LPP: variants seen among roughly 807,000 people sequenced by gnomAD.
LPP encodes lipoma-preferred partner.
Under a neutral mutation model 60.4 loss-of-function variants are expected in LPP, and 38 were observed. The ratio of observed to expected loss-of-function variants is 0.63; its 90% CI spans 0.49 to 0.83. LPP has a LOEUF of 0.83. Among genes scored for constraint, LPP ranks in the 40% least tolerant of loss-of-function variants. LPP has a pLI of 0.00. For missense variants in LPP, 902 were observed against 783.6 expected, an observed-to-expected ratio of 1.15 and a Z score of -1.80; for synonymous variants, 328 against 290.8, an observed-to-expected ratio of 1.13 and a Z score of -1.30.
At chr3:188,241,030 A>G (rs186303445) in intron 2 of LPP, among the ~76,000 whole-genome samples, 1 of 152,322 alleles carries the variant, frequency 6.6e-6, no homozygotes, top group East Asian at 1.9e-4. Context: ...TGATGATTTT[A>G]GAGGTAGCAA....
chr3:188,334,621 G>A (rs1420101726), intron 2 of LPP, among the ~76,000 whole-genome samples: 3 of 151,940 alleles, frequency 2.0e-5, no homozygotes, highest in Admixed American at 1.3e-4. Flanking sequence ...AGTACAGACG[G>A]GGTTTCATCA....
chr3:188,576,451 G>A (rs926511143), intron 6 of LPP, among the ~76,000 whole-genome samples: 24 of 152,206 alleles, frequency 1.6e-4, no homozygotes, highest in East Asian at 5.8e-4. Context: ...ATTTTCATCC[G>A]CTTTATTTTC....
chr3:188,780,691 G>A (rs1389617749), intron 9 of LPP, among the ~76,000 whole-genome samples: 3 of 152,048 alleles, frequency 2.0e-5, no homozygotes, highest in African/African-American at 2.4e-5. Context: ...CTGACCTCAA[G>A]ACCATTGTTC....
chr3:188,660,407 G>T (rs568429407), intron 7 of LPP, among the ~76,000 whole-genome samples: 1 of 152,274 alleles, frequency 6.6e-6, no homozygotes, highest in African/African-American at 2.4e-5. Context: ...TGTAATATTT[G>T]TGTGTTCATT....
rs928634462 is a variant in LPP, at chr3:188,494,997, G to C, written c.306+10293G>C. Among the ~76,000 whole-genome samples the C allele has an allele frequency of 2.4e-4, 33 of 139,512 alleles. 1 individual carries two copies. Among genetic ancestry groups the C allele is most frequent in the African/African-American group, 7.3e-4 (28 of 38,490 alleles). 91.5% of individuals were successfully genotyped at this position (139,512 alleles called of 152,430 possible). Reference sequence around the variant, plus strand: ...TTTGCCATAGTTGTCACTGACATTTGATTTGCACCATGCCTCCTCAGAGTT... The same window carrying C: ...TTTGCCATAGTTGTCACTGACATTTCATTTGCACCATGCCTCCTCAGAGTT... On this transcript the variant is annotated intron_variant, in intron 5 of 11. Transcript: ENST00000617246.
At chr3:188,521,159 T>C (rs1323761618) in intron 5 of LPP, among the ~76,000 whole-genome samples, 1 of 152,184 alleles carries the variant, frequency 6.6e-6, no homozygotes, top group East Asian at 1.9e-4. Flanking sequence ...AAAGCTACTA[T>C]AGTATTTGCA....
At chr3:188,311,037 G>A (rs556927164) in intron 2 of LPP, among the ~76,000 whole-genome samples, 5 of 152,106 alleles carry the variant, frequency 3.3e-5, no homozygotes, top group Admixed American at 6.5e-5. Flanking sequence ...CCAAAAAGTC[G>A]AAGATATTAA....
chr3:188,243,482 A>G (rs113878022), intron 2 of LPP, among the ~76,000 whole-genome samples: 1 of 152,198 alleles, frequency 6.6e-6, no homozygotes, highest in Non-Finnish European at 1.5e-5. Flanking sequence ...CGGATCTGGG[A>G]AGGGCCTTTG....
At chr3:188,329,624 G>A (rs1759427230) in intron 2 of LPP, among the ~76,000 whole-genome samples, 1 of 151,730 alleles carries the variant, frequency 6.6e-6, no homozygotes, top group Non-Finnish European at 1.5e-5. Context: ...TGAACTTTTT[G>A]GGAATAATTC....
Position 188,395,456 on chromosome 3 carries a change from G to A in LPP, c.-9-10656G>A, listed in dbSNP as rs567241872. 7.3e-5 allele frequency among the ~76,000 whole-genome samples: 11 copies of A among 151,634 alleles called. No homozygotes were observed. In the South Asian group the frequency reaches 1.0e-3, roughly 14 times the overall value. On this transcript the variant is annotated intron_variant, in intron 3 of 11. Transcript: ENST00000617246. ...TTGTTGTGTTGCGCAGGCTGATCTC[G>A]AACTCCAGGCCTCAAGCAATCCAGG...
chr3:188,320,677 C>T (rs1756668565), intron 2 of LPP, among the ~76,000 whole-genome samples: 1 of 152,128 alleles, frequency 6.6e-6, no homozygotes. Flanking sequence ...ATTGAATTTT[C>T]CTTATCCATG....
intron 1 of LPP, among the ~76,000 whole-genome samples, chr3:188,185,568 T>C (rs1330770320): frequency 6.6e-6 from 1 of 151,972 alleles, no homozygotes; most frequent in African/African-American, 2.4e-5. Flanking sequence ...CACAGTTTAT[T>C]GCGTGGATAA....
intron 1 of LPP, among the ~76,000 whole-genome samples, chr3:188,201,647 C>T (rs532260866): frequency 5.6e-4 from 85 of 152,192 alleles, no homozygotes; most frequent in African/African-American, 1.9e-3. Flanking sequence ...GTGGAAGTTG[C>T]AGTGAGGTGA....
chr3:188,872,821 G>C, intron 11 of LPP, 58 bp downstream of exon 11: 2 of 1,608,360 alleles, frequency 1.2e-6, no homozygotes, highest in Non-Finnish European at 1.7e-6. Context: ...GCTCGTTCGA[G>C]CTAGGTTTAC....
At chr3:188,419,577 A>G (rs1449155151) in intron 4 of LPP, among the ~76,000 whole-genome samples, 1 of 152,160 alleles carries the variant, frequency 6.6e-6, no homozygotes, top group Admixed American at 6.6e-5. Flanking sequence ...GTGGCAACCT[A>G]AGTTCTTTCA....
At chr3:188,688,620 T>C (rs896972403) in intron 7 of LPP, among the ~76,000 whole-genome samples, 1 of 152,194 alleles carries the variant, frequency 6.6e-6, no homozygotes, top group Non-Finnish European at 1.5e-5. Flanking sequence ...AAAGAGGAGC[T>C]AGAAGAGGTT....
intron 2 of LPP, among the ~76,000 whole-genome samples, chr3:188,329,861 T>C (rs1041258740): frequency 2.6e-5 from 4 of 152,158 alleles, no homozygotes; most frequent in South Asian, 2.1e-4. Flanking sequence ...TGAGTTTTCG[T>C]TGAAGGACCC....
At chr3:188,600,841 TTCTTCAAGCTTCAAGCTTAATC>T (rs1391867173) in intron 6 of LPP, among the ~76,000 whole-genome samples, 1 of 152,088 alleles carries the variant, frequency 6.6e-6, no homozygotes, top group Non-Finnish European at 1.5e-5. Context: ...ACTGGCTTGT[TTCTTCAAGCTTCAAGCTTAATC>T]TCTTCAAGCT....
intron 2 of LPP, among the ~76,000 whole-genome samples, chr3:188,315,787 G>A (rs936806168): frequency 4.6e-5 from 7 of 152,136 alleles, no homozygotes; most frequent in Non-Finnish European, 4.4e-5. Context: ...ATTTGTGGCT[G>A]ATTCAGTCCT....
Sources: gnomAD v4.1 joint callset for allele counts (sites outside exome capture counted in the v4.1 genomes callset) on GRCh38, gnomAD v4.1.1 for gene constraint, MANE v1.5 for transcripts, NCBI Gene and HGNC (gene_info 2026-07-23, HGNC 2026-07-21) for gene names.